PLCXD2: variants seen among roughly 807,000 people sequenced by gnomAD.
The protein encoded by PLCXD2 is PI-PLC X domain-containing protein 2.
In PLCXD2, 21 loss-of-function variants were observed where a neutral mutation model predicts 28.6. The ratio of observed to expected loss-of-function variants is 0.73; its 90% CI spans 0.52 to 1.06. The LOEUF (loss-of-function observed/expected upper bound fraction) is 1.06, where lower values mean the gene tolerates loss of function less well. Among genes scored for constraint, PLCXD2 ranks in the 50% least tolerant of loss-of-function variants. PLCXD2 has a pLI of 0.00. For missense variants in PLCXD2, 369 were observed against 376.7 expected (o/e 0.98, Z 0.17); for synonymous variants, 140 against 150.1 (o/e 0.93, Z 0.49).
chr3:111,688,288 C>A (rs929508687), intron 1 of PLCXD2, among the ~76,000 whole-genome samples: 1 of 152,194 alleles, frequency 6.6e-6, no homozygotes. Flanking sequence ...ATTGACAGAA[C>A]TCATTGAAAG....
In PLCXD2 at chr3:111,714,088, C is replaced by T. The variant is rs1242873949; in HGVS notation, c.826C>T (p.Arg276Trp). Residue 276 changes from arginine to tryptophan, a missense_variant, in exon 3 of 5, where the codon CGG (arginine) becomes TGG (tryptophan). Coordinates refer to ENST00000477665, the MANE Select transcript of PLCXD2 (RefSeq NM_001185106.1). ...CACCCCCAGAGTGAAGACCATTGCC[C>T]GGGGCTTGGTTGGGGGCCTCAAGAA... 5.0e-6 allele frequency: 8 copies of T among 1,614,016 alleles called. No individual in the cohort carries two copies. Among genetic ancestry groups the T allele is most frequent in the African/African-American group, 2.7e-5 (2 of 74,920 alleles).
At chr3:111,703,116 G>A (rs760638543) in intron 1 of PLCXD2, among the ~76,000 whole-genome samples, 13 of 152,130 alleles carry the variant, frequency 8.5e-5, no homozygotes, top group Non-Finnish European at 1.6e-4. Flanking sequence ...GTGAGAGTTG[G>A]CTTTGACTGC....
chr3:111,692,105 G>A (rs1940886420), intron 1 of PLCXD2, among the ~76,000 whole-genome samples: 1 of 152,170 alleles, frequency 6.6e-6, no homozygotes, highest in Admixed American at 6.5e-5. Flanking sequence ...GCAGTGGCGC[G>A]ATCTCGGCTC....
rs540249242 is a variant in PLCXD2 at position 111,698,180 on chromosome 3, T to G, written c.164-9746T>G. Among the ~76,000 whole-genome samples the G allele has an allele frequency of 2.6e-5, 4 of 152,360 alleles. No homozygotes were observed. In the South Asian group the frequency reaches 8.3e-4, roughly 32 times the overall value. On this transcript the variant is annotated intron_variant, in intron 1 of 4. Coordinates refer to ENST00000477665, the MANE Select transcript of PLCXD2 (RefSeq NM_001185106.1). ...TAATAATTAATAATAATAACATGTT[T>G]GAGCTCATTCTATTAGCCAAGGACT... is the stretch of plus-strand genomic sequence containing the variant.
At chr3:111,725,846 C>T (rs1941408581) in intron 3 of PLCXD2, 1 of 398,602 alleles carries the variant, frequency 2.5e-6, no homozygotes, top group Non-Finnish European at 4.4e-6. Flanking sequence ...TCCTTCCCGT[C>T]TCCTTCATAG....
chr3:111,687,820 G>A (rs971075039), intron 1 of PLCXD2, among the ~76,000 whole-genome samples: 5 of 152,042 alleles, frequency 3.3e-5, no homozygotes, highest in Non-Finnish European at 7.4e-5. Flanking sequence ...GAGTAGATGA[G>A]ACTACAGGCA....
At chr3:111,676,232 G>A (rs1307816770) in intron 1 of PLCXD2, among the ~76,000 whole-genome samples, 1 of 152,162 alleles carries the variant, frequency 6.6e-6, no homozygotes, top group Non-Finnish European at 1.5e-5. Flanking sequence ...TCCTACAAAT[G>A]CTGATACTGG....
intron 1 of PLCXD2, among the ~76,000 whole-genome samples, chr3:111,686,292 C>T (rs141685616): frequency 6.6e-6 from 1 of 152,336 alleles, no homozygotes; most frequent in Non-Finnish European, 1.5e-5. Flanking sequence ...CAGTGAGATG[C>T]ACCTTGGCTT....
chr3:111,680,659 A>G (rs535179286), intron 1 of PLCXD2, among the ~76,000 whole-genome samples: 1 of 152,308 alleles, frequency 6.6e-6, no homozygotes, highest in African/African-American at 2.4e-5. Flanking sequence ...AAATCACAAA[A>G]GCCACAAGGA....
chr3:111,679,764 G>A (rs1346414627), intron 1 of PLCXD2, among the ~76,000 whole-genome samples: 3 of 152,170 alleles, frequency 2.0e-5, no homozygotes, highest in Non-Finnish European at 2.9e-5. Flanking sequence ...AAATTTTGAG[G>A]CTGAAAATGG....
chr3:111,707,123 G>A (rs1490086740), intron 1 of PLCXD2, among the ~76,000 whole-genome samples: 2 of 152,146 alleles, frequency 1.3e-5, no homozygotes, highest in Non-Finnish European at 2.9e-5. Flanking sequence ...CCTTTGTTAA[G>A]ACAGAGGAAC....
At chr3:111,721,864 C>T (rs1170370259) in intron 3 of PLCXD2, 1 of 152,212 alleles carries the variant, frequency 6.6e-6, no homozygotes, top group Non-Finnish European at 1.5e-5. Flanking sequence ...GGCCCCTTAT[C>T]CATGGCACCA....
chr3:111,700,142 G>GT (rs1941020899), intron 1 of PLCXD2, among the ~76,000 whole-genome samples: 1 of 152,160 alleles, frequency 6.6e-6, no homozygotes, highest in Non-Finnish European at 1.5e-5. Flanking sequence ...GGGCACTGGT[G>GT]TTTTTTAAAA....
At chr3:111,682,085 A>C (rs1463706415) in intron 1 of PLCXD2, among the ~76,000 whole-genome samples, 1 of 152,226 alleles carries the variant, frequency 6.6e-6, no homozygotes, top group Non-Finnish European at 1.5e-5. Flanking sequence ...CAAGAACCAA[A>C]TTTAGGTGGA....
chr3:111,702,696 ATT>A (rs1941060547), intron 1 of PLCXD2, among the ~76,000 whole-genome samples: 1 of 152,230 alleles, frequency 6.6e-6, no homozygotes, highest in Non-Finnish European at 1.5e-5. Context: ...CCAAGCAGCA[ATT>A]CTCTTAGAGA....
chr3:111,706,731 T>A (rs1364820075), intron 1 of PLCXD2, among the ~76,000 whole-genome samples: 4 of 146,138 alleles, frequency 2.7e-5, no homozygotes, highest in Non-Finnish European at 6.0e-5. Context: ...AAGTAAGGGA[T>A]GGAAAAAAAT....
rs549776774 is a variant in PLCXD2, at chr3:111,704,202, G to GGGGTAGTGGTTAAGAACAAGGT, written c.164-3723_164-3702dup. ...AGGAATTCTGATGGTAATATTGCGG[G>GGGGTAGTGGTTAAGAACAAGGT]GGGTAGTGGTTAAGAACAAGGTTAG... On this transcript the variant is annotated intron_variant, in intron 1 of 4. Coordinates refer to ENST00000477665, the MANE Select transcript of PLCXD2 (RefSeq NM_001185106.1). 2.8e-3 allele frequency among the ~76,000 whole-genome samples: 431 copies of GGGGTAGTGGTTAAGAACAAGGT among 152,312 alleles called. 2 individuals carry two copies. The highest frequency in any genetic ancestry group is 9.7e-3 in the African/African-American group (405 of 41,566).
chr3:111,709,650 C>T (rs1298742810), intron 2 of PLCXD2, among the ~76,000 whole-genome samples: 1 of 152,112 alleles, frequency 6.6e-6, no homozygotes, highest in Non-Finnish European at 1.5e-5. Flanking sequence ...AGGGGTTAAT[C>T]ACATGCTTAT....
chr3:111,703,962 T>C lies in PLCXD2; in HGVS notation c.164-3964T>C, dbSNP rs555307627. Among the ~76,000 whole-genome samples, 100 of 152,366 alleles carry C rather than the reference T, an allele frequency of 6.6e-4. 1 individual carries two copies. The highest frequency in any genetic ancestry group is 3.4e-3 in the Middle Eastern group (1 of 294). On this transcript the variant is annotated intron_variant, in intron 1 of 4. Coordinates refer to ENST00000477665, the MANE Select transcript of PLCXD2 (RefSeq NM_001185106.1). ...TGGATAGCCTCTATGTTCCAGATGC[T>C]ACATAAAAGTAAAGCATTATTTGAT...
Sources: gnomAD v4.1 joint callset for allele counts (sites outside exome capture counted in the v4.1 genomes callset) on GRCh38, gnomAD v4.1.1 for gene constraint, MANE v1.5 for transcripts, NCBI Gene and HGNC (gene_info 2026-07-23, HGNC 2026-07-21) for gene names.